The following RPS6KA5 variants were observed in gnomAD, a reference collection of about 807,000 sequenced individuals.
RPS6KA5 encodes ribosomal protein S6 kinase A5, also known as ribosomal protein S6 kinase alpha-5.
RPS6KA5 carries 27 observed loss-of-function variants against 85.5 expected under a neutral mutation model. The ratio of observed to expected loss-of-function variants is 0.32; its 90% CI spans 0.23 to 0.44. The LOEUF is 0.44. Ranked by LOEUF, RPS6KA5 falls within the 20% of genes least tolerant of loss-of-function variation. The pLI, the probability that RPS6KA5 is intolerant of heterozygous loss-of-function variation, is 1.00. For synonymous variants in RPS6KA5, 334 were observed against 348.2 expected (o/e 0.96, Z 0.46); for missense variants, 811 against 980.9 (o/e 0.83, Z 2.31).
rs1288010576 is a variant in RPS6KA5 at position 90,890,604 on chromosome 14, T to C, written c.1719A>G (p.Pro573=). The C allele has an allele frequency of 2.5e-6, 4 of 1,614,204 alleles. No homozygotes were observed. The highest frequency in any genetic ancestry group is 2.5e-6 in the Non-Finnish European group (3 of 1,180,008). ...GAGTCTTCAGGGGCTGATTATCCGG[T>C]GGCTTTAGCCGTGCAAATCCAAAAT... is the stretch of plus-strand genomic sequence containing the variant. ...IIDFGFARLK[P]PDNQPLKTPC... is the part of the protein sequence containing the mutation. Residue 573 remains proline (P), a synonymous_variant, in exon 14 of 17, where the codon CCA becomes CCG. Coordinates refer to ENST00000614987, the MANE Select transcript of RPS6KA5 (RefSeq NM_004755.4).
chr14:91,011,206 G>A (rs2041240823), intron 1 of RPS6KA5, among the ~76,000 whole-genome samples: 1 of 152,152 alleles, frequency 6.6e-6, no homozygotes, highest in Non-Finnish European at 1.5e-5. Flanking sequence ...CTAAAAAACA[G>A]GCCAGGCACG....
intron 7 of RPS6KA5, among the ~76,000 whole-genome samples, chr14:90,912,932 G>A (rs61987395): frequency 3.9e-5 from 4 of 102,146 alleles, no homozygotes; most frequent in Non-Finnish European, 7.7e-5. Context: ...TTTTTTTTGG[G>A]TGGAGTCTCC....
intron 1 of RPS6KA5, among the ~76,000 whole-genome samples, chr14:91,019,700 T>C (rs964601256): frequency 8.5e-5 from 13 of 152,232 alleles, no homozygotes; most frequent in African/African-American, 2.4e-5. Flanking sequence ...GGTACTTCTC[T>C]CACAATGCTT....
At position 90,848,272 on chromosome 14, in the gene RPS6KA5, T is replaced by TA. The variant is rs2031816448; in HGVS notation, c.*23801dup. ...AAGGCAGTACCAGTTATCGCTATAA[T>TA]AAAGCACTCAAAGAACATCGAAATA... On this transcript the variant is annotated 3_prime_UTR_variant, in exon 17 of 17. Coordinates refer to ENST00000614987, the MANE Select transcript of RPS6KA5 (RefSeq NM_004755.4). The TA allele has an allele frequency of 6.6e-6, 1 of 152,184 alleles. No individual in the cohort carries two copies. The highest frequency in any genetic ancestry group is 6.5e-5 in the Admixed American group (1 of 15,284). 9.4% of individuals were successfully genotyped at this position (152,184 alleles called of 1,614,324 possible).
rs1421062597 is a variant in RPS6KA5 at position 90,865,175 on chromosome 14, G to C, written c.*6899C>G. On this transcript the variant is annotated 3_prime_UTR_variant, in exon 17 of 17. Transcript: ENST00000614987. ...TTTTAAGTGGACACACAAGAGAAAT[G>C]AGTGTACGTGTCCATTAAAATATAT... 2 of 152,194 alleles carry C rather than the reference G, an allele frequency of 1.3e-5. No individual in the cohort carries two copies. Among genetic ancestry groups the C allele is most frequent in the African/African-American group, 4.8e-5 (2 of 41,442 alleles). The allele number at this position is 152,194 out of a possible 1,614,324, so 9.4% of individuals were successfully genotyped here.
At chr14:91,041,441 G>C (rs751918521) in intron 1 of RPS6KA5, among the ~76,000 whole-genome samples, 1 of 152,076 alleles carries the variant, frequency 6.6e-6, no homozygotes, top group Non-Finnish European at 1.5e-5. Flanking sequence ...CTTTTTGTCA[G>C]GCGGAAATAA....
intron 12 of RPS6KA5, among the ~76,000 whole-genome samples, chr14:90,898,122 G>C (rs1238452894): frequency 6.6e-6 from 1 of 152,136 alleles, no homozygotes; most frequent in Non-Finnish European, 1.5e-5. Context: ...GTAGTTTAAA[G>C]TAAATAAAAG....
chr14:90,858,019 G>A lies in RPS6KA5; in HGVS notation c.*14055C>T, dbSNP rs979670028. 6.6e-6 allele frequency: 1 copy of A among 152,182 alleles called. No homozygotes were observed. The highest frequency in any genetic ancestry group is 1.5e-5 in the Non-Finnish European group (1 of 67,996). The allele number at this position is 152,182 out of a possible 1,614,324, so 9.4% of individuals were successfully genotyped here. A position where few individuals can be genotyped will look rare whatever the true frequency, so the allele number is the denominator to read the frequency against. On this transcript the variant is annotated 3_prime_UTR_variant, in exon 17 of 17. Coordinates refer to ENST00000614987, the MANE Select transcript of RPS6KA5 (RefSeq NM_004755.4). Reference sequence around the variant, plus strand: ...CCACTGCGGAGAAATCAACAATGGCGATTAAAAATGATTACCACCAGATTT... The same window carrying A: ...CCACTGCGGAGAAATCAACAATGGCAATTAAAAATGATTACCACCAGATTT...
chr14:90,903,247 CAGA>C (rs3834527), intron 8 of RPS6KA5, among the ~76,000 whole-genome samples: 7,235 of 152,128 alleles, frequency 0.048, 221 homozygotes, highest in East Asian at 0.14. Context: ...TTAAAGACAA[CAGA>C]AGAATACTTT....
At chr14:91,013,613 G>GA (rs1566863967) in intron 1 of RPS6KA5, among the ~76,000 whole-genome samples, 1 of 152,206 alleles carries the variant, frequency 6.6e-6, no homozygotes, top group Non-Finnish European at 1.5e-5. Flanking sequence ...CACCAGGCAG[G>GA]AGCCAGCTCA....
intron 1 of RPS6KA5, 44 bp from the exon 2 acceptor site, chr14:91,001,203 T>C (rs774637830): frequency 2.4e-5 from 30 of 1,265,304 alleles, no homozygotes; most frequent in Admixed American, 5.8e-5. Flanking sequence ...GGGTCAGCAA[T>C]AGAAGGAGGC....
chr14:91,035,998 C>A (rs1356236468), intron 1 of RPS6KA5, among the ~76,000 whole-genome samples: 1 of 127,830 alleles, frequency 7.8e-6, no homozygotes, highest in African/African-American at 3.0e-5. Context: ...AAACTAAGAA[C>A]AGAAATGAGC....
chr14:90,932,863 G>GT (rs373401499), intron 5 of RPS6KA5, among the ~76,000 whole-genome samples: 112 of 152,262 alleles, frequency 7.4e-4, no homozygotes, highest in East Asian at 1.4e-3. Context: ...AGATATCAGT[G>GT]TATCTACCCC....
chr14:91,049,763 A>T (rs1032085229), intron 1 of RPS6KA5, among the ~76,000 whole-genome samples: 1 of 152,238 alleles, frequency 6.6e-6, no homozygotes, highest in Non-Finnish European at 1.5e-5. Flanking sequence ...AACACCATAG[A>T]GTTTACTTAC....
At position 90,877,864 on chromosome 14, in the gene RPS6KA5, C is replaced by T. The variant is rs141823670; in HGVS notation, c.1837-2504G>A. Among the ~76,000 whole-genome samples, 412 of 152,274 alleles carry T rather than the reference C, an allele frequency of 2.7e-3. 2 individuals are homozygous for T. Among genetic ancestry groups the T allele is most frequent in the African/African-American group, 9.5e-3 (395 of 41,540 alleles). On this transcript the variant is annotated intron_variant, in intron 14 of 16. Coordinates refer to ENST00000614987, the MANE Select transcript of RPS6KA5 (RefSeq NM_004755.4). ...TAACTTCTCTTAGACCATTTCTTCG[C>T]GGGTAAAAGTAACAAGTGATATTAT...
At chr14:91,034,750 C>A (rs1679935526) in intron 1 of RPS6KA5, among the ~76,000 whole-genome samples, 2 of 152,104 alleles carry the variant, frequency 1.3e-5, no homozygotes, top group Non-Finnish European at 2.9e-5. Context: ...GGGTATGCAC[C>A]ACCTTTAAGA....
chr14:90,983,761 T>C (rs1395922286), intron 2 of RPS6KA5, among the ~76,000 whole-genome samples: 2 of 151,554 alleles, frequency 1.3e-5, no homozygotes, highest in African/African-American at 2.4e-5. Flanking sequence ...CTAAACACAC[T>C]TTCTTTCTTT....
intron 2 of RPS6KA5, among the ~76,000 whole-genome samples, chr14:90,991,779 T>C (rs1461876917): frequency 6.6e-6 from 1 of 151,062 alleles, no homozygotes; most frequent in African/African-American, 2.4e-5. Flanking sequence ...TCCAAAATTA[T>C]TTAAAAGTTT....
chr14:90,954,715 G>A (rs2140397207), intron 3 of RPS6KA5, among the ~76,000 whole-genome samples: 1 of 152,230 alleles, frequency 6.6e-6, no homozygotes, highest in Non-Finnish European at 1.5e-5. Context: ...TACTAGGCCT[G>A]TGGGTAGTGG....
Sources: allele counts gnomAD v4.1 joint callset (sites outside exome capture counted in the v4.1 genomes callset), GRCh38; gene constraint gnomAD v4.1.1; transcripts MANE v1.5; gene names NCBI Gene and HGNC (gene_info 2026-07-23, HGNC 2026-07-21).